IGSF21: variants seen among roughly 807,000 people sequenced by gnomAD.
IGSF21 encodes immunoglobulin superfamily member 21.
In IGSF21, 28 loss-of-function variants were observed where a neutral mutation model predicts 46.8. The ratio of observed to expected loss-of-function variants is 0.60; its 90% CI spans 0.44 to 0.82. The LOEUF (loss-of-function observed/expected upper bound fraction) is 0.82, where lower values mean the gene tolerates loss of function less well. Ranked by LOEUF, IGSF21 falls within the 40% of genes least tolerant of loss-of-function variation. IGSF21 has a pLI of 0.00. For missense variants in IGSF21, 624 were observed against 665.5 expected, an observed-to-expected ratio of 0.94 and a Z score of 0.69; for synonymous variants, 284 against 273.6, an observed-to-expected ratio of 1.04 and a Z score of -0.38.
chr1:18,226,635 G>A (rs2084569765), intron 1 of IGSF21, among the ~76,000 whole-genome samples: 1 of 152,186 alleles, frequency 6.6e-6, no homozygotes, highest in South Asian at 2.1e-4. Context: ...CTTCCAAATT[G>A]ATCCTCTCCA....
chr1:18,289,665 AG>A (rs1169398386), intron 2 of IGSF21, among the ~76,000 whole-genome samples: 3 of 151,744 alleles, frequency 2.0e-5, no homozygotes, highest in East Asian at 1.9e-4. Flanking sequence ...AATTCTTGGG[AG>A]GGGGGCAAGG....
chr1:18,360,719 G>A (rs183457018), intron 4 of IGSF21, among the ~76,000 whole-genome samples: 1 of 152,322 alleles, frequency 6.6e-6, no homozygotes, highest in East Asian at 1.9e-4. Flanking sequence ...TGATTATGAG[G>A]AGGTTAGGGA....
chr1:18,363,408 G>A (rs1463902108), intron 5 of IGSF21, among the ~76,000 whole-genome samples: 1 of 152,020 alleles, frequency 6.6e-6, no homozygotes, highest in Non-Finnish European at 1.5e-5. Context: ...AAATGGGTCT[G>A]TAGAGGTCCA....
intron 1 of IGSF21, among the ~76,000 whole-genome samples, chr1:18,149,606 G>A (rs974929397): frequency 4.6e-5 from 7 of 152,080 alleles, no homozygotes; most frequent in Admixed American, 3.3e-4. Context: ...GAGCTCTCTC[G>A]GTGGCAGGCC....
At chr1:18,126,626 A>G (rs1030561721) in intron 1 of IGSF21, among the ~76,000 whole-genome samples, 10 of 152,198 alleles carry the variant, frequency 6.6e-5, no homozygotes, top group Non-Finnish European at 7.4e-5. Flanking sequence ...CCCCAAGCCC[A>G]GCTGCAGGAC....
intron 3 of IGSF21, among the ~76,000 whole-genome samples, chr1:18,332,585 A>G (rs1006156270): frequency 6.6e-6 from 1 of 151,466 alleles, no homozygotes; most frequent in Non-Finnish European, 1.5e-5. Flanking sequence ...TTTTCAGTCT[A>G]GCTGAGTTAC....
At chr1:18,163,484 T>G (rs1345141250) in intron 1 of IGSF21, among the ~76,000 whole-genome samples, 1 of 152,214 alleles carries the variant, frequency 6.6e-6, no homozygotes, top group Non-Finnish European at 1.5e-5. Context: ...CGGTTTCTTT[T>G]GCAAACCATG....
At chr1:18,214,794 A>G (rs1289323128) in intron 1 of IGSF21, among the ~76,000 whole-genome samples, 2 of 152,160 alleles carry the variant, frequency 1.3e-5, no homozygotes, top group African/African-American at 4.8e-5. Flanking sequence ...GCCAGGCTGG[A>G]GTACAGTGGC....
chr1:18,128,809 T>C (rs1208082190), intron 1 of IGSF21, among the ~76,000 whole-genome samples: 1 of 151,994 alleles, frequency 6.6e-6, no homozygotes, highest in Non-Finnish European at 1.5e-5. Flanking sequence ...TGTGTGTGTG[T>C]GTGTATGTCT....
intron 1 of IGSF21, among the ~76,000 whole-genome samples, chr1:18,208,019 G>T (rs146153051): frequency 6.6e-6 from 1 of 152,108 alleles, no homozygotes; most frequent in Admixed American, 6.6e-5. Flanking sequence ...GCAGGAATTC[G>T]CTTTGACATG....
At chr1:18,339,139 A>G (rs2085802268) in intron 4 of IGSF21, among the ~76,000 whole-genome samples, 1 of 152,148 alleles carries the variant, frequency 6.6e-6, no homozygotes, top group African/African-American at 2.4e-5. Flanking sequence ...ATACCTCACA[A>G]AAGCCCTTGG....
At chr1:18,222,669 G>A (rs888953685) in intron 1 of IGSF21, among the ~76,000 whole-genome samples, 9 of 152,152 alleles carry the variant, frequency 5.9e-5, no homozygotes, top group African/African-American at 2.2e-4. Context: ...CGATTCTATC[G>A]ACAGACTTCA....
At chr1:18,260,317 T>G (rs1014375163) in intron 2 of IGSF21, among the ~76,000 whole-genome samples, 1 of 152,324 alleles carries the variant, frequency 6.6e-6, no homozygotes, top group Admixed American at 6.5e-5. Flanking sequence ...GCAGGAGAGC[T>G]TTGTCTTATC....
intron 1 of IGSF21, among the ~76,000 whole-genome samples, chr1:18,190,023 T>G (rs1410894310): frequency 6.6e-6 from 1 of 152,180 alleles, no homozygotes; most frequent in Non-Finnish European, 1.5e-5. Context: ...GACTCCTCCC[T>G]TGGTGGGCCA....
rs149390421 is a variant in IGSF21 at position 18,242,930 on chromosome 1, C to G, written c.183+14920C>G. Among the ~76,000 whole-genome samples, 849 of 152,248 alleles carry G rather than the reference C, an allele frequency of 5.6e-3. 12 individuals carry two copies. Among genetic ancestry groups the G allele is most frequent in the African/African-American group, 0.019 (782 of 41,538 alleles). On this transcript the variant is annotated intron_variant, in intron 2 of 9. Transcript: ENST00000251296. ...ACCCGCACCCTTGTCTGGAGCTATT[C>G]AAGAGTGAGGAAGGGACAGTGGGCA...
intron 2 of IGSF21, among the ~76,000 whole-genome samples, chr1:18,253,716 C>G (rs1281794200): frequency 6.6e-6 from 1 of 152,160 alleles, no homozygotes; most frequent in Non-Finnish European, 1.5e-5. Flanking sequence ...GGCAATGAAG[C>G]CTCTGGGAAA....
At chr1:18,225,513 G>C (rs1031985579) in intron 1 of IGSF21, among the ~76,000 whole-genome samples, 10 of 152,034 alleles carry the variant, frequency 6.6e-5, no homozygotes, top group Non-Finnish European at 1.5e-4. Context: ...CACCCACCTC[G>C]GGCTGCTCAA....
chr1:18,374,582 C>A (rs1459611170), intron 6 of IGSF21, among the ~76,000 whole-genome samples: 2 of 151,912 alleles, frequency 1.3e-5, no homozygotes, highest in Admixed American at 6.5e-5. Context: ...CCCTTCCCAG[C>A]GATTCCCTCT....
At chr1:18,266,391 C>T (rs2124541322) in intron 2 of IGSF21, among the ~76,000 whole-genome samples, 1 of 152,338 alleles carries the variant, frequency 6.6e-6, no homozygotes, top group Non-Finnish European at 1.5e-5. Flanking sequence ...CACTTGGACA[C>T]AGAGCCTCAG....
Sources: allele counts gnomAD v4.1 joint callset (sites outside exome capture counted in the v4.1 genomes callset), GRCh38; gene constraint gnomAD v4.1.1; transcripts MANE v1.5; gene names NCBI Gene and HGNC (gene_info 2026-07-23, HGNC 2026-07-21).